PGM1: variants seen among roughly 807,000 people sequenced by gnomAD.
PGM1 encodes phosphoglucomutase-1.
A neutral mutation model predicts 55.6 loss-of-function variants in PGM1; 52 were observed. The ratio of observed to expected loss-of-function variants is 0.94; its 90% confidence interval spans 0.75 to 1.18. PGM1 has a LOEUF of 1.18. PGM1 is among the 50% of genes most tolerant of loss of function. PGM1 has a pLI of 0.00. For synonymous variants in PGM1, 287 were observed against 271.7 expected, an observed-to-expected ratio of 1.06 and a Z score of -0.55; for missense variants, 724 against 729.3, an observed-to-expected ratio of 0.99 and a Z score of 0.08.
intron 1 of PGM1, among the ~76,000 whole-genome samples, chr1:63,596,218 GTTTCTTTCTTC>G (rs1462222526): frequency 7.3e-6 from 1 of 136,140 alleles, no homozygotes; most frequent in African/African-American, 3.1e-5. Context: ...TATCCCCTAG[GTTTCTTTCTTC>G]TTTCTTTCTT....
At chr1:63,653,658 A>G (rs1322605275) in intron 9 of PGM1, among the ~76,000 whole-genome samples, 1 of 152,126 alleles carries the variant, frequency 6.6e-6, no homozygotes, top group Non-Finnish European at 1.5e-5. Flanking sequence ...TTTTTCCCCA[A>G]GTGAGAAGAT....
At chr1:63,637,824 C>G (rs1442988480) in intron 6 of PGM1, among the ~76,000 whole-genome samples, 1 of 152,042 alleles carries the variant, frequency 6.6e-6, no homozygotes, top group African/African-American at 2.4e-5. Context: ...ACCTCATTAC[C>G]CAGATAAAAG....
intron 1 of PGM1, among the ~76,000 whole-genome samples, chr1:63,625,389 A>G (rs1365851614): frequency 6.6e-6 from 1 of 152,234 alleles, no homozygotes; most frequent in African/African-American, 2.4e-5. Context: ...TAAAAATAGC[A>G]CTGCATTTAA....
At chr1:63,634,745 C>T in intron 4 of PGM1, 84 bp from the exon 5 acceptor site, 2 of 1,113,670 alleles carry the variant, frequency 1.8e-6, no homozygotes, top group Non-Finnish European at 2.7e-6. Context: ...CCCCAGAATG[C>T]ATCCACCTCA....
rs561949960 is a variant in PGM1 at position 63,645,872 on chromosome 1, A to G, written c.1145-2645A>G. Among the ~76,000 whole-genome samples, 5 of 152,366 alleles carry G rather than the reference A, an allele frequency of 3.3e-5. No individual in the cohort carries two copies. The South Asian group carries it at 1.0e-3, about 32-fold the overall frequency. Reference sequence around the variant, plus strand: ...AGTTATTTACCGTATTCCTTGTGCTATGCTAGTCACCAGACTTAATTACAA... The same window carrying G: ...AGTTATTTACCGTATTCCTTGTGCTGTGCTAGTCACCAGACTTAATTACAA... On this transcript the variant is annotated intron_variant, in intron 7 of 10. Coordinates refer to ENST00000371084, the MANE Select transcript of PGM1 (RefSeq NM_002633.3).
intron 1 of PGM1, among the ~76,000 whole-genome samples, chr1:63,617,304 T>G (rs1292538804): frequency 6.6e-6 from 1 of 152,044 alleles, no homozygotes; most frequent in Non-Finnish European, 1.5e-5. Context: ...TGGTCAGCCC[T>G]GTAAAGAGAT....
At chr1:63,642,714 A>G (rs1649549239) in intron 7 of PGM1, among the ~76,000 whole-genome samples, 1 of 152,180 alleles carries the variant, frequency 6.6e-6, no homozygotes, top group African/African-American at 2.4e-5. Context: ...TCTAGAGGCT[A>G]GCAATATTTT....
chr1:63,638,855 A>G (rs1649435787), intron 7 of PGM1, 55 bp downstream of exon 7: 1 of 1,252,164 alleles, frequency 8.0e-7, no homozygotes, highest in South Asian at 1.2e-5. Flanking sequence ...ATTTCCAGTA[A>G]AAGCTTAGAC....
chr1:63,615,452 C>T (rs192513343), intron 1 of PGM1, among the ~76,000 whole-genome samples: 34 of 151,716 alleles, frequency 2.2e-4, no homozygotes, highest in Non-Finnish European at 3.2e-4. Context: ...CCTTTACAGC[C>T]GGACATCCTA....
In PGM1 at chr1:63,659,965, T is replaced by G; in HGVS notation, c.*290T>G. On this transcript the variant is annotated 3_prime_UTR_variant, in exon 11 of 11. Coordinates refer to ENST00000371084, the MANE Select transcript of PGM1 (RefSeq NM_002633.3). ...CTTAGCCATCAGGTACAGTTTACAC[T>G]ACAATGTAAGCTATAGGTGGAGCAT... is the stretch of plus-strand genomic sequence containing the variant. The G allele has an allele frequency of 1.9e-6, 1 of 525,068 alleles. No individual in the cohort carries two copies. Among genetic ancestry groups the G allele is most frequent in the Non-Finnish European group, 3.5e-6 (1 of 287,902 alleles). 32.5% of individuals were successfully genotyped at this position (525,068 alleles called of 1,614,324 possible).
intron 7 of PGM1, among the ~76,000 whole-genome samples, chr1:63,641,588 C>T (rs1455367904): frequency 6.6e-6 from 1 of 152,140 alleles, no homozygotes; most frequent in Non-Finnish European, 1.5e-5. Flanking sequence ...CTGTATTTTT[C>T]CAGGCGATAG....
rs1270708879 is a variant in PGM1 at position 63,636,218 on chromosome 1, CT to C, written c.874-15del. Reference sequence around the variant, plus strand: ...TTGATTAAAAGGTCTTTCTTTGATCCTCTCTTCTCCCCAAGGATCGAAACAT... The same window carrying C: ...TTGATTAAAAGGTCTTTCTTTGATCCCTCTTCTCCCCAAGGATCGAAACAT... On this transcript the variant is annotated splice_polypyrimidine_tract_variant and intron_variant, in intron 5 of 10. Transcript: ENST00000371084. 1.9e-6 allele frequency: 3 copies of C among 1,612,838 alleles called. No individual in the cohort carries two copies. In the African/African-American group the frequency reaches 4.0e-5, roughly 22 times the overall value.
intron 1 of PGM1, among the ~76,000 whole-genome samples, chr1:63,609,469 A>G (rs754294706): frequency 6.6e-6 from 1 of 152,314 alleles, no homozygotes; most frequent in East Asian, 1.9e-4. Context: ...TAGGGTGCTC[A>G]TGCTGGTGGG....
chr1:63,632,328 G>A (rs1649217757), intron 4 of PGM1, among the ~76,000 whole-genome samples: 2 of 152,170 alleles, frequency 1.3e-5, no homozygotes, highest in South Asian at 2.1e-4. Flanking sequence ...CCAGAACCAC[G>A]AGGGTTTTCT....
At chr1:63,600,823 C>T (rs543192635) in intron 1 of PGM1, among the ~76,000 whole-genome samples, 90 of 152,120 alleles carry the variant, frequency 5.9e-4, no homozygotes, top group African/African-American at 2.0e-3. Context: ...TACATTTTAT[C>T]GTACAAAGGG....
chr1:63,621,204 G>A (rs1648870369), intron 1 of PGM1, among the ~76,000 whole-genome samples: 1 of 152,000 alleles, frequency 6.6e-6, no homozygotes, highest in Non-Finnish European at 1.5e-5. Flanking sequence ...TGCCTGGCAT[G>A]TGTCGTTGCT....
intron 10 of PGM1, among the ~76,000 whole-genome samples, chr1:63,659,214 G>A (rs1650047459): frequency 6.6e-6 from 1 of 152,182 alleles, no homozygotes; most frequent in South Asian, 2.1e-4. Context: ...ACTGCTCCAG[G>A]TAAGAGACAG....
intron 7 of PGM1, among the ~76,000 whole-genome samples, chr1:63,639,159 G>A (rs1382400447): frequency 1.3e-5 from 2 of 152,142 alleles, no homozygotes; most frequent in African/African-American, 2.4e-5. Flanking sequence ...AAGAAATACG[G>A]TGGAGCAAGT....
At chr1:63,615,563 T>C (rs1347451909) in intron 1 of PGM1, among the ~76,000 whole-genome samples, 1 of 128,350 alleles carries the variant, frequency 7.8e-6, no homozygotes, top group African/African-American at 3.1e-5. Context: ...TTTTTTTTTT[T>C]TTTTTTTTTT....
Sources: allele counts gnomAD v4.1 joint callset (sites outside exome capture counted in the v4.1 genomes callset), GRCh38; gene constraint gnomAD v4.1.1; transcripts MANE v1.5; gene names NCBI Gene and HGNC (gene_info 2026-07-23, HGNC 2026-07-21).